Variants in TSGA10 observed in about 807,000 individuals in gnomAD.
The protein encoded by TSGA10 is testis-specific gene 10 protein.
In TSGA10, 43 loss-of-function variants were observed where a neutral mutation model predicts 96.6. The ratio of observed to expected loss-of-function variants is 0.44; its 90% confidence interval spans 0.35 to 0.57. The LOEUF (loss-of-function observed/expected upper bound fraction) is 0.57. Ranked by LOEUF, TSGA10 falls within the 20% of genes least tolerant of loss-of-function variation. The pLI is 0.01. For synonymous variants in TSGA10, 229 were observed against 269.9 expected (o/e 0.85, Z 1.48); for missense variants, 703 against 834.4 (o/e 0.84, Z 1.94).
rs75692443 is a variant in TSGA10, at chr2:99,060,304, C to A, written c.1404+4635G>T. 9.6e-3 allele frequency among the ~76,000 whole-genome samples: 1,455 copies of A among 152,010 alleles called. 14 individuals are homozygous for A. Among genetic ancestry groups the A allele is most frequent in the African/African-American group, 0.033 (1,380 of 41,474 alleles). ...ATTCAAGAATAAAATATCATTTTTACAATGGCATTGTAAAGACTGAGATAT... is the reference window on the plus strand; with the variant it reads ...ATTCAAGAATAAAATATCATTTTTAAAATGGCATTGTAAAGACTGAGATAT... On this transcript the variant is annotated intron_variant, in intron 16 of 20. Transcript: ENST00000393483.
rs2092207211 is a variant in TSGA10 at position 99,115,714 on chromosome 2, T to G, written c.-140+1830A>C. 5.9e-5 allele frequency among the ~76,000 whole-genome samples: 9 copies of G among 152,174 alleles called. No individual in the cohort carries two copies. In the South Asian group the frequency reaches 1.9e-3, roughly 32 times the overall value. On this transcript the variant is annotated intron_variant, in intron 4 of 20. Transcript: ENST00000393483. ...GGCCAACATGATGAAACCCTATTTCTACTAAAAATATGAAAATTAGATGGG... is the reference window on the plus strand; with the variant it reads ...GGCCAACATGATGAAACCCTATTTCGACTAAAAATATGAAAATTAGATGGG...
intron 7 of TSGA10, among the ~76,000 whole-genome samples, chr2:99,107,000 C>T (rs1298906021): frequency 1.3e-5 from 2 of 152,182 alleles, no homozygotes; most frequent in Non-Finnish European, 1.5e-5. Flanking sequence ...TTCTTACAGT[C>T]TGATGGCAAT....
rs1347987862 is a variant in TSGA10, at chr2:99,003,730, G to GAAAT, written c.2073-5510_2073-5509insATTT. On this transcript the variant is annotated intron_variant, in intron 20 of 20. Coordinates refer to ENST00000393483, the MANE Select transcript of TSGA10 (RefSeq NM_025244.4). ...CTGGGTAAATAACGAGATGAAGGCAGAAAGATGTTCTTTGAAACTAATGAG... is the reference window on the plus strand; with the variant it reads ...CTGGGTAAATAACGAGATGAAGGCAGAAATAAAGATGTTCTTTGAAACTAATGAG... 3.3e-5 allele frequency among the ~76,000 whole-genome samples: 5 copies of GAAAT among 152,070 alleles called. No individual in the cohort carries two copies. The East Asian group carries it at 9.7e-4, about 29-fold the overall frequency.
intron 4 of TSGA10, among the ~76,000 whole-genome samples, chr2:99,112,532 G>A (rs891497030): frequency 3.6e-5 from 4 of 109,942 alleles, no homozygotes; most frequent in Non-Finnish European, 9.3e-5. Context: ...TAAATAGGGT[G>A]GTCAGGAAGT....
intron 4 of TSGA10, among the ~76,000 whole-genome samples, chr2:99,115,533 A>T (rs1449738925): frequency 6.6e-6 from 1 of 152,104 alleles, no homozygotes; most frequent in Non-Finnish European, 1.5e-5. Flanking sequence ...TGTTCCAGAC[A>T]ACATGGTTAA....
intron 20 of TSGA10, among the ~76,000 whole-genome samples, chr2:99,004,153 G>A (rs2078249608): frequency 1.3e-5 from 2 of 152,216 alleles, no homozygotes; most frequent in Admixed American, 1.3e-4. Context: ...ACAACCATCA[G>A]AGAATACTTT....
intron 10 of TSGA10, among the ~76,000 whole-genome samples, chr2:99,090,115 G>A (rs183595634): frequency 3.9e-5 from 6 of 152,272 alleles, no homozygotes; most frequent in Admixed American, 6.5e-5. Context: ...CCCAGTACCA[G>A]CCCAGAACCT....
At chr2:99,013,489 C>T (rs1416840180) in intron 20 of TSGA10, among the ~76,000 whole-genome samples, 7 of 151,404 alleles carry the variant, frequency 4.6e-5, no homozygotes, top group Middle Eastern at 6.4e-3. Flanking sequence ...CCTGCCACCA[C>T]GCCCGGCTAA....
Position 99,073,040 on chromosome 2 carries a change from C to A in TSGA10, c.916G>T (p.Ala306Ser), listed in dbSNP as rs776354918. 6.2e-7 allele frequency: 1 copy of A among 1,609,012 alleles called. No individual in the cohort carries two copies. Among genetic ancestry groups the A allele is most frequent in the Non-Finnish European group, 8.5e-7 (1 of 1,176,636 alleles). ...TACCTTGATGCCTGTTCCATCTCAG[C>A]AATGATATTCTTCATGCCTGAAATG... ...KTISGMKNIIAEMEQASRQCT... is the reference protein window; with the variant it reads ...KTISGMKNIISEMEQASRQCT... The change falls in exon 13 of 21, where the codon GCT becomes TCT. Residue 306 changes from alanine to serine, a missense_variant. By Grantham distance (99) the Ala-to-Ser change is moderately conservative. Around this residue, in one of 3 missense-constraint regions of TSGA10, gnomAD observed 585 missense variants for 656.8 expected, o/e 0.89. Transcript: ENST00000393483.
At chr2:99,053,562 C>T (rs959130846) in intron 16 of TSGA10, among the ~76,000 whole-genome samples, 6 of 152,090 alleles carry the variant, frequency 3.9e-5, no homozygotes, top group African/African-American at 1.4e-4. Flanking sequence ...ACTTCAACGT[C>T]CTTTCATAAT....
chr2:99,012,831 A>G (rs2079115842), intron 20 of TSGA10, among the ~76,000 whole-genome samples: 1 of 152,202 alleles, frequency 6.6e-6, no homozygotes, highest in Admixed American at 6.5e-5. Flanking sequence ...AAACGGACTT[A>G]ACAGGTATTT....
At chr2:99,154,002 G>A (rs190386231) in intron 1 of TSGA10, among the ~76,000 whole-genome samples, 2 of 152,270 alleles carry the variant, frequency 1.3e-5, no homozygotes, top group Admixed American at 6.5e-5. Context: ...ATTACCCCAC[G>A]CCTTAACTCT....
In TSGA10 at chr2:99,071,759, G is replaced by A; in HGVS notation, c.1054C>T (p.His352Tyr). ...TGTTCCTGGAGATTGTCATTGTCAT[G>A]AGCCAAGATATCTCTTTCCCTGGCG... is the stretch of plus-strand genomic sequence containing the variant. ...QIARERDILAHDNDNLQEQFA... is the reference protein window; with the variant it reads ...QIARERDILAYDNDNLQEQFA... Residue 352 changes from histidine to tyrosine, a missense_variant, in exon 14 of 21, where the codon CAT (histidine) becomes TAT (tyrosine). Transcript: ENST00000393483. 1 of 1,613,832 alleles carries A rather than the reference G, an allele frequency of 6.2e-7. No individual in the cohort carries two copies. The highest frequency in any genetic ancestry group is 8.5e-7 in the Non-Finnish European group (1 of 1,179,868).
At chr2:99,070,038 C>G (rs1023692748) in intron 14 of TSGA10, among the ~76,000 whole-genome samples, 2 of 151,962 alleles carry the variant, frequency 1.3e-5, no homozygotes, top group Non-Finnish European at 2.9e-5. Flanking sequence ...ACCTGTGGTC[C>G]ACAGAGAGAG....
intron 16 of TSGA10, among the ~76,000 whole-genome samples, chr2:99,056,423 T>C (rs2083996574): frequency 6.6e-6 from 1 of 152,100 alleles, no homozygotes; most frequent in African/African-American, 2.4e-5. Context: ...AAATACACTA[T>C]AAACAACTGT....
chr2:99,014,651 A>C (rs1055802051), intron 20 of TSGA10, among the ~76,000 whole-genome samples: 1 of 144,416 alleles, frequency 6.9e-6, no homozygotes, highest in Non-Finnish European at 1.5e-5. Flanking sequence ...TCAGAGCAGA[A>C]TTAAATGAAA....
chr2:99,055,612 T>C (rs1005009638), intron 16 of TSGA10, among the ~76,000 whole-genome samples: 8 of 152,084 alleles, frequency 5.3e-5, no homozygotes, highest in Non-Finnish European at 1.0e-4. Flanking sequence ...TGGTAGATTA[T>C]ACCTTAATAA....
intron 1 of TSGA10, among the ~76,000 whole-genome samples, chr2:99,128,992 C>T (rs1219325199): frequency 1.3e-5 from 2 of 152,202 alleles, no homozygotes; most frequent in African/African-American, 4.8e-5. Context: ...AAGAGATCCT[C>T]CCGCCTAGGT....
chr2:99,079,912 C>T (rs1054555355), intron 11 of TSGA10, among the ~76,000 whole-genome samples: 9 of 152,162 alleles, frequency 5.9e-5, no homozygotes, highest in Non-Finnish European at 1.2e-4. Context: ...GGAGAATACA[C>T]CATGTCTCTT....
Sources: gnomAD v4.1 joint callset for allele counts (sites outside exome capture counted in the v4.1 genomes callset) on GRCh38, gnomAD v4.1.1 for gene constraint, gnomAD v4.1.1 regional missense constraint, MANE v1.5 for transcripts, NCBI Gene and HGNC (gene_info 2026-07-23, HGNC 2026-07-21) for gene names.